The following SCD5 variants were observed in gnomAD, a reference collection of about 807,000 sequenced individuals.
SCD5 encodes stearoyl-CoA desaturase 5, also known as acyl-CoA-desaturase 4.
SCD5 carries 20 observed loss-of-function variants against 30.4 expected under a neutral mutation model. The observed-to-expected ratio is 0.66, with a 90% CI of 0.46 to 0.96. The LOEUF (loss-of-function observed/expected upper bound fraction) is 0.96. Among genes scored for constraint, SCD5 ranks in the 40% least tolerant of loss-of-function variants. The pLI, the probability that SCD5 is intolerant of heterozygous loss-of-function variation, is 0.00. For synonymous variants in SCD5, 173 were observed against 176.4 expected (o/e 0.98, Z 0.16); for missense variants, 381 against 443.3 (o/e 0.86, Z 1.26).
At chr4:82,658,084 T>C (rs1332784350) in intron 3 of SCD5, among the ~76,000 whole-genome samples, 1 of 152,240 alleles carries the variant, frequency 6.6e-6, no homozygotes, top group African/African-American at 2.4e-5. Context: ...GAATACCCTT[T>C]ATTTCTTTCT....
chr4:82,680,001 C>T (rs762719826), intron 3 of SCD5, among the ~76,000 whole-genome samples: 2 of 152,178 alleles, frequency 1.3e-5, no homozygotes, highest in Non-Finnish European at 2.9e-5. Context: ...GCTTTAGGTG[C>T]TACAAGCTCA....
chr4:82,679,483 G>A (rs1225759622), intron 3 of SCD5, among the ~76,000 whole-genome samples: 1 of 152,160 alleles, frequency 6.6e-6, no homozygotes. Context: ...TCAACTGCCT[G>A]TGTAATAATA....
At chr4:82,639,933 G>A (rs1050695412) in intron 3 of SCD5, among the ~76,000 whole-genome samples, 9 of 152,184 alleles carry the variant, frequency 5.9e-5, no homozygotes, top group African/African-American at 1.9e-4. Context: ...AGAGAAACAC[G>A]TGTGGAGGGC....
At chr4:82,705,597 G>A (rs1719953164) in intron 1 of SCD5, among the ~76,000 whole-genome samples, 184 bp from the exon 2 acceptor site, 1 of 152,218 alleles carries the variant, frequency 6.6e-6, no homozygotes, top group East Asian at 1.9e-4. Context: ...CCAGTACCAT[G>A]CATAAGCAGA....
In SCD5 at chr4:82,762,105, T is replaced by C. The variant is rs540217462; in HGVS notation, c.232+36201A>G. Among the ~76,000 whole-genome samples, 208 of 145,744 alleles carry C rather than the reference T, an allele frequency of 1.4e-3. 1 individual carries two copies. Among genetic ancestry groups the C allele is most frequent in the Admixed American group, 3.1e-3 (45 of 14,402 alleles). ...GAGAGGATCGCTTGAGCCCAGGGAG[T>C]AGAGGCTGCAGTGAGCCAAGATCAC... On this transcript the variant is annotated intron_variant, in intron 1 of 4. Transcript: ENST00000319540.
At chr4:82,787,492 G>A (rs765649690) in intron 1 of SCD5, among the ~76,000 whole-genome samples, 3 of 152,176 alleles carry the variant, frequency 2.0e-5, no homozygotes, top group Non-Finnish European at 2.9e-5. Flanking sequence ...GGTGTTGGCT[G>A]TCTCAGCAGC....
At chr4:82,650,063 C>T (rs938535712) in intron 3 of SCD5, among the ~76,000 whole-genome samples, 1 of 152,144 alleles carries the variant, frequency 6.6e-6, no homozygotes, top group Non-Finnish European at 1.5e-5. Flanking sequence ...ACACTTCATC[C>T]CTGCTAAAGC....
At chr4:82,763,543 A>C (rs2148846543) in intron 1 of SCD5, among the ~76,000 whole-genome samples, 1 of 152,324 alleles carries the variant, frequency 6.6e-6, no homozygotes, top group Middle Eastern at 3.4e-3. Flanking sequence ...ATTAGGTGTT[A>C]AGGTGGACTG....
At chr4:82,679,340 G>A (rs187141492) in intron 3 of SCD5, among the ~76,000 whole-genome samples, 26 of 151,724 alleles carry the variant, frequency 1.7e-4, no homozygotes, top group African/African-American at 6.3e-4. Context: ...CTTGATACTG[G>A]GTATTTTCAC....
At chr4:82,677,865 T>G (rs531527720) in intron 3 of SCD5, among the ~76,000 whole-genome samples, 1 of 152,222 alleles carries the variant, frequency 6.6e-6, no homozygotes, top group African/African-American at 2.4e-5. Context: ...ATTAGGATGT[T>G]CTGGCATCTT....
intron 3 of SCD5, among the ~76,000 whole-genome samples, chr4:82,666,409 G>C (rs10471048): frequency 0.59 from 90,129 of 151,872 alleles, 27,319 homozygotes; most frequent in Middle Eastern, 0.72. Flanking sequence ...CCACCTACTC[G>C]GGAGGCTGAG....
At chr4:82,680,023 T>C (rs924952871) in intron 3 of SCD5, among the ~76,000 whole-genome samples, 1 of 152,176 alleles carries the variant, frequency 6.6e-6, no homozygotes, top group Admixed American at 6.5e-5. Flanking sequence ...CACAGCCAAA[T>C]TTTGCAGACC....
chr4:82,711,705 TAA>T (rs58582191), intron 1 of SCD5, among the ~76,000 whole-genome samples: 38 of 146,334 alleles, frequency 2.6e-4, no homozygotes, highest in Admixed American at 4.1e-4. Flanking sequence ...GACCTTGTCT[TAA>T]AAAAAAAAAA....
chr4:82,752,506 G>A (rs1301752300), intron 1 of SCD5, among the ~76,000 whole-genome samples: 1 of 152,096 alleles, frequency 6.6e-6, no homozygotes, highest in Non-Finnish European at 1.5e-5. Flanking sequence ...TATAATTCAA[G>A]GATAATTGGA....
intron 1 of SCD5, among the ~76,000 whole-genome samples, chr4:82,770,599 A>G (rs1721598604): frequency 6.6e-6 from 1 of 152,256 alleles, no homozygotes; most frequent in Non-Finnish European, 1.5e-5. Context: ...GTTAAGTATA[A>G]GAAATAATAA....
intron 1 of SCD5, among the ~76,000 whole-genome samples, chr4:82,752,098 C>T (rs555767105): frequency 6.6e-6 from 1 of 152,204 alleles, no homozygotes; most frequent in Non-Finnish European, 1.5e-5. Context: ...CCCCATAAGT[C>T]TGTGGGCAGG....
chr4:82,769,717 T>C (rs1344965084), intron 1 of SCD5, among the ~76,000 whole-genome samples: 9 of 152,162 alleles, frequency 5.9e-5, no homozygotes, highest in Non-Finnish European at 1.2e-4. Flanking sequence ...CTGGAAGTAT[T>C]TAATGGTAAA....
At chr4:82,789,435 C>A (rs1253468902) in intron 1 of SCD5, among the ~76,000 whole-genome samples, 1 of 152,162 alleles carries the variant, frequency 6.6e-6, no homozygotes, top group African/African-American at 2.4e-5. Context: ...GATGAATCAC[C>A]TGGAGATGTC....
chr4:82,732,990 A>C (rs879607709), intron 1 of SCD5, among the ~76,000 whole-genome samples: 3 of 152,122 alleles, frequency 2.0e-5, no homozygotes, highest in Admixed American at 6.5e-5. Flanking sequence ...ATTAATGATG[A>C]TGCTGATGAT....
Sources: allele counts gnomAD v4.1 joint callset (sites outside exome capture counted in the v4.1 genomes callset), GRCh38; gene constraint gnomAD v4.1.1; transcripts MANE v1.5; gene names NCBI Gene and HGNC (gene_info 2026-07-23, HGNC 2026-07-21).